GPC5: variants seen among roughly 807,000 people sequenced by gnomAD.
GPC5 encodes the protein glypican 5, also known as glypican-5.
GPC5 carries 47 observed loss-of-function variants against 53.9 expected under a neutral mutation model. That is an observed-to-expected ratio of 0.87 (90% CI 0.69 to 1.11). The LOEUF is 1.11. GPC5 is among the 50% of genes most tolerant of loss of function. GPC5 has a pLI of 0.00. For missense variants in GPC5, 748 were observed against 713.1 expected (o/e 1.05, Z -0.56); for synonymous variants, 286 against 263.3 (o/e 1.09, Z -0.84).
chr13:91,424,758 G>A (rs1281541128), intron 1 of GPC5, among the ~76,000 whole-genome samples: 1 of 152,126 alleles, frequency 6.6e-6, no homozygotes, highest in Non-Finnish European at 1.5e-5. Flanking sequence ...AGGAAATACT[G>A]GGCCCAGTGT....
chr13:92,368,007 C>T (rs1388122719), intron 7 of GPC5, among the ~76,000 whole-genome samples: 1 of 152,062 alleles, frequency 6.6e-6, no homozygotes, highest in Non-Finnish European at 1.5e-5. Context: ...GGCGGTGAGG[C>T]AGAGTTTCAC....
chr13:92,319,000 AG>A (rs2043198235), intron 7 of GPC5, among the ~76,000 whole-genome samples: 1 of 152,172 alleles, frequency 6.6e-6, no homozygotes, highest in Non-Finnish European at 1.5e-5. Flanking sequence ...AGAAAGACAC[AG>A]GGGCTAATTG....
chr13:92,025,345 C>G (rs1363188839), intron 6 of GPC5, among the ~76,000 whole-genome samples: 2 of 152,072 alleles, frequency 1.3e-5, no homozygotes, highest in African/African-American at 2.4e-5. Context: ...ATCTCTCCCC[C>G]AAAACACTTC....
chr13:92,530,726 C>T (rs754986173), intron 7 of GPC5, among the ~76,000 whole-genome samples: 1 of 152,150 alleles, frequency 6.6e-6, no homozygotes, highest in Non-Finnish European at 1.5e-5. Context: ...CATTTTCACA[C>T]CCTCACGTGT....
At chr13:92,585,443 G>A (rs999692833) in intron 7 of GPC5, among the ~76,000 whole-genome samples, 2 of 152,178 alleles carry the variant, frequency 1.3e-5, no homozygotes, top group South Asian at 2.1e-4. Flanking sequence ...ATTTGGAATG[G>A]CGGTATTTAT....
intron 6 of GPC5, among the ~76,000 whole-genome samples, chr13:92,078,004 T>G (rs2041266287): frequency 6.6e-6 from 1 of 151,950 alleles, no homozygotes; most frequent in Admixed American, 6.6e-5. Context: ...CATACAGGCA[T>G]ACGTAGATAC....
intron 2 of GPC5, among the ~76,000 whole-genome samples, chr13:91,545,794 A>G (rs1167131332): frequency 6.6e-6 from 1 of 152,086 alleles, no homozygotes; most frequent in Non-Finnish European, 1.5e-5. Flanking sequence ...GAATTGAATG[A>G]TATTTGTCTT....
intron 6 of GPC5, among the ~76,000 whole-genome samples, chr13:92,108,423 A>G (rs2041526994): frequency 6.6e-6 from 1 of 152,170 alleles, no homozygotes; most frequent in African/African-American, 2.4e-5. Flanking sequence ...CTGCGAAATC[A>G]TTAGGCTCAT....
At chr13:92,534,022 C>T (rs1035656919) in intron 7 of GPC5, among the ~76,000 whole-genome samples, 1 of 152,138 alleles carries the variant, frequency 6.6e-6, no homozygotes, top group Admixed American at 6.5e-5. Flanking sequence ...TGAGGTGGCT[C>T]ATGCCTATCA....
At chr13:91,951,966 T>G (rs750843492) in intron 6 of GPC5, among the ~76,000 whole-genome samples, 12 of 152,090 alleles carry the variant, frequency 7.9e-5, no homozygotes, top group Non-Finnish European at 1.2e-4. Flanking sequence ...AATAAGTAAA[T>G]GGGTAAAGCT....
At chr13:92,518,061 G>C (rs1324912771) in intron 7 of GPC5, among the ~76,000 whole-genome samples, 1 of 152,164 alleles carries the variant, frequency 6.6e-6, no homozygotes, top group Non-Finnish European at 1.5e-5. Flanking sequence ...TTGATCAACT[G>C]GAAGAAAGGA....
At chr13:92,594,300 G>C (rs1291825131) in intron 7 of GPC5, among the ~76,000 whole-genome samples, 1 of 152,156 alleles carries the variant, frequency 6.6e-6, no homozygotes, top group African/African-American at 2.4e-5. Context: ...GCACGGGACT[G>C]TCACTCTCTG....
At chr13:91,621,264 AATAG>A (rs1215258403) in intron 2 of GPC5, among the ~76,000 whole-genome samples, 1 of 152,146 alleles carries the variant, frequency 6.6e-6, no homozygotes, top group Non-Finnish European at 1.5e-5. Flanking sequence ...GACTATTAAA[AATAG>A]GTATCTGTTT....
intron 7 of GPC5, among the ~76,000 whole-genome samples, chr13:92,703,975 T>G (rs1887856338): frequency 1.3e-5 from 2 of 152,020 alleles, no homozygotes; most frequent in African/African-American, 4.8e-5. Context: ...ATGAAAGAAA[T>G]AAAATGTTTC....
At chr13:92,318,800 T>G (rs2043196927) in intron 7 of GPC5, among the ~76,000 whole-genome samples, 1 of 152,158 alleles carries the variant, frequency 6.6e-6, no homozygotes, top group Admixed American at 6.6e-5. Context: ...GGTACTATCA[T>G]TCCTATATGA....
chr13:92,674,986 T>C (rs1886887495), intron 7 of GPC5, among the ~76,000 whole-genome samples: 1 of 152,132 alleles, frequency 6.6e-6, no homozygotes, highest in Non-Finnish European at 1.5e-5. Context: ...CTAAGGTGAG[T>C]ATGCAGTTTT....
intron 7 of GPC5, among the ~76,000 whole-genome samples, chr13:92,703,779 T>C (rs1887846773): frequency 6.6e-6 from 1 of 151,888 alleles, no homozygotes; most frequent in East Asian, 1.9e-4. Flanking sequence ...TAGATTTTAA[T>C]TAACTAGTGT....
At chr13:91,503,496 G>C (rs928869415) in intron 2 of GPC5, among the ~76,000 whole-genome samples, 3 of 151,850 alleles carry the variant, frequency 2.0e-5, no homozygotes, top group Admixed American at 2.0e-4. Context: ...TAATAATTAG[G>C]CTGGGCCGGG....
intron 6 of GPC5, among the ~76,000 whole-genome samples, chr13:91,948,100 C>T (rs754835163): frequency 1.3e-5 from 2 of 151,616 alleles, no homozygotes; most frequent in Admixed American, 1.3e-4. Flanking sequence ...TGGTGGCGGG[C>T]GCCTGTAGTC....
Sources: gnomAD v4.1 joint callset for allele counts (sites outside exome capture counted in the v4.1 genomes callset) on GRCh38, gnomAD v4.1.1 for gene constraint, MANE v1.5 for transcripts, NCBI Gene and HGNC (gene_info 2026-07-23, HGNC 2026-07-21) for gene names.